Variants in FGD5 observed in about 807,000 individuals in gnomAD.
The protein encoded by FGD5 is FYVE, RhoGEF and PH domain containing 5, also known as FYVE, RhoGEF and PH domain-containing protein 5.
A neutral mutation model predicts 133.4 loss-of-function variants in FGD5; 28 were observed. The observed-to-expected ratio is 0.21, with a 90% CI of 0.16 to 0.29. The LOEUF (loss-of-function observed/expected upper bound fraction) is 0.29. Ranked by LOEUF, FGD5 falls within the 10% of genes least tolerant of loss-of-function variation. The pLI is 1.00. For synonymous variants in FGD5, 810 were observed against 776.5 expected (o/e 1.04, Z -0.72); for missense variants, 1,858 against 1,895.2 (o/e 0.98, Z 0.36).
At chr3:14,839,945 C>T (rs943122912) in intron 1 of FGD5, among the ~76,000 whole-genome samples, 2 of 151,304 alleles carry the variant, frequency 1.3e-5, no homozygotes, top group Non-Finnish European at 3.0e-5. Flanking sequence ...AACAAACAAA[C>T]AAACAAACAA....
intron 1 of FGD5, among the ~76,000 whole-genome samples, chr3:14,837,390 C>T (rs888219001): frequency 1.3e-5 from 2 of 152,182 alleles, no homozygotes; most frequent in Non-Finnish European, 2.9e-5. Context: ...CCAGTTGCTT[C>T]TAATCCACCA....
At chr3:14,830,984 C>G (rs1439766705) in intron 1 of FGD5, among the ~76,000 whole-genome samples, 4 of 152,114 alleles carry the variant, frequency 2.6e-5, no homozygotes, top group Non-Finnish European at 2.9e-5. Flanking sequence ...CAATGTGATA[C>G]AAAGTGACTG....
chr3:14,900,192 T>G (rs1317817786), intron 7 of FGD5, among the ~76,000 whole-genome samples: 1 of 152,088 alleles, frequency 6.6e-6, no homozygotes, highest in East Asian at 1.9e-4. Context: ...ATCTGTTGGA[T>G]AAGTGAGGGA....
chr3:14,856,220 C>G (rs1360117813), intron 1 of FGD5, among the ~76,000 whole-genome samples: 1 of 152,008 alleles, frequency 6.6e-6, no homozygotes, highest in Non-Finnish European at 1.5e-5. Flanking sequence ...CTATTTTGTT[C>G]CCTTGTTCTG....
intron 4 of FGD5, chr3:14,897,196 C>G: frequency 3.2e-6 from 1 of 316,850 alleles, no homozygotes; most frequent in Middle Eastern, 8.9e-4. Context: ...CCAATCTCTC[C>G]CCTATCTTGA....
At position 14,900,395 on chromosome 3, in the gene FGD5, G is replaced by A; in HGVS notation, c.3155-8G>A. 6.2e-7 allele frequency: 1 copy of A among 1,613,002 alleles called. No individual in the cohort carries two copies. The highest frequency in any genetic ancestry group is 1.7e-5 in the Admixed American group (1 of 59,888). On this transcript the variant is annotated splice_polypyrimidine_tract_variant and splice_region_variant and intron_variant, in intron 7 of 19. Coordinates refer to ENST00000285046, the MANE Select transcript of FGD5 (RefSeq NM_152536.4). ...GTAGCTGACTCCTGGTTCTTATCCT[G>A]CCAACAGACTATTTAAACAACCTTT...
Position 14,819,065 on chromosome 3 carries a change from A to G in FGD5, c.-7A>G. On this transcript the variant is annotated 5_prime_UTR_variant, in exon 1 of 20. Transcript: ENST00000285046. The surrounding 1 kb of genome is among the most constrained non-coding windows in gnomAD (Gnocchi z 4.1). ...CCAGGCCCGAGAGTCTTCACAGTCC[A>G]AACTCCATGTTCAGGGGTCCGAAGC... 1.9e-6 allele frequency: 3 copies of G among 1,545,458 alleles called. No individual in the cohort carries two copies. Among genetic ancestry groups the G allele is most frequent in the South Asian group, 1.2e-5 (1 of 83,324 alleles).
At chr3:14,906,508 T>C (rs544579330) in intron 9 of FGD5, among the ~76,000 whole-genome samples, 41 of 152,302 alleles carry the variant, frequency 2.7e-4, no homozygotes, top group Admixed American at 2.4e-3. Flanking sequence ...AAGCCTTGCA[T>C]GAGAGAAGGC....
rs376160039 is a variant in FGD5 at position 14,881,612 on chromosome 3, C to T, written c.2748+840C>T. 1.2e-3 allele frequency among the ~76,000 whole-genome samples: 184 copies of T among 152,360 alleles called. 2 individuals are homozygous for T. In the South Asian group the frequency reaches 0.02, roughly 16 times the overall value. ...CCATGGCAGTCTCAGGCTTCCTGCTCCCTTGAGCTCTCTCTGGGCCATTTG... is the reference window on the plus strand; with the variant it reads ...CCATGGCAGTCTCAGGCTTCCTGCTTCCTTGAGCTCTCTCTGGGCCATTTG... On this transcript the variant is annotated intron_variant, in intron 4 of 19. Transcript: ENST00000285046.
At chr3:14,920,614 A>G (rs2038657670) in intron 13 of FGD5, 1 of 152,232 alleles carries the variant, frequency 6.6e-6, no homozygotes, top group South Asian at 2.1e-4. Flanking sequence ...ACTGCTTCAG[A>G]TGCAGGGCAG....
chr3:14,821,242 T>C lies in FGD5; in HGVS notation c.2171T>C (p.Phe724Ser), dbSNP rs750631814. Reference sequence around the variant, plus strand: ...TCTGAATCCCCCTCCTCCCTCATCTTTTATAGAGATGGCAAGAGGAAAGGT... The same window carrying C: ...TCTGAATCCCCCTCCTCCCTCATCTCTTATAGAGATGGCAAGAGGAAAGGT... ...RASESPSSLI[F>S]YRDGKRKGVP... Residue 724 changes from phenylalanine (F) to serine (S), a missense_variant, in exon 1 of 20, where the codon TTT becomes TCT. Physicochemically the swap from Phe to Ser is radical, Grantham distance 155. Coordinates refer to ENST00000285046, the MANE Select transcript of FGD5 (RefSeq NM_152536.4). 1 of 1,613,678 alleles carries C rather than the reference T, an allele frequency of 6.2e-7. No homozygotes were observed. Among genetic ancestry groups the C allele is most frequent in the South Asian group, 1.1e-5 (1 of 91,072 alleles).
At chr3:14,866,669 A>G (rs77651456) in intron 2 of FGD5, among the ~76,000 whole-genome samples, 13,074 of 152,294 alleles carry the variant, frequency 0.086, 769 homozygotes, top group East Asian at 0.3. Context: ...AACTAGAACA[A>G]TGCATGCCAC....
chr3:14,833,522 G>GCTCCCC (rs1425361165), intron 1 of FGD5, among the ~76,000 whole-genome samples: 1 of 152,172 alleles, frequency 6.6e-6, no homozygotes, highest in Non-Finnish European at 1.5e-5. Context: ...AAGGTAGTGA[G>GCTCCCC]CTCCCCATCA....
chr3:14,911,607 G>A (rs184429550), intron 11 of FGD5, among the ~76,000 whole-genome samples: 1 of 152,000 alleles, frequency 6.6e-6, no homozygotes, highest in African/African-American at 2.4e-5. Flanking sequence ...ACAGGCTGTG[G>A]TAAGAGTCTA....
At chr3:14,839,109 A>G (rs959398472) in intron 1 of FGD5, among the ~76,000 whole-genome samples, 1 of 152,212 alleles carries the variant, frequency 6.6e-6, no homozygotes, top group African/African-American at 2.4e-5. Flanking sequence ...AGAAAGGAAA[A>G]GCACATGCTT....
intron 4 of FGD5, among the ~76,000 whole-genome samples, chr3:14,885,953 T>C (rs1191924602): frequency 2.6e-5 from 4 of 152,216 alleles, no homozygotes; most frequent in South Asian, 4.1e-4. Flanking sequence ...TCCTAAACAT[T>C]CTGTGTTGGT....
At chr3:14,855,616 G>GACATTTTAAA (rs2037262259) in intron 1 of FGD5, among the ~76,000 whole-genome samples, 1 of 151,638 alleles carries the variant, frequency 6.6e-6, no homozygotes, top group South Asian at 2.1e-4. Flanking sequence ...TAGTGATGTG[G>GACATTTTAAA]ACATTTTAAA....
At position 14,819,815 on chromosome 3, in the gene FGD5, C is replaced by T. The variant is rs1236094550; in HGVS notation, c.744C>T (p.Asp248=). Residue 248 remains aspartate (D), a synonymous_variant, in exon 1 of 20, where the codon GAC becomes GAT. Transcript: ENST00000285046. This position sits in a 1 kb window ranked among gnomAD's most constrained non-coding sequence, Gnocchi z 4.1. ...AGGACATGGGACAGGATGCTGAGGA[C>T]ACCAGTGAGGAGCCCCCTGAGAAGG... ...PTEDMGQDAE[D]TSEEPPEKEE... is the part of the protein sequence containing the mutation. The T allele has an allele frequency of 6.3e-7, 1 of 1,594,496 alleles. No homozygotes were observed. Among genetic ancestry groups the T allele is most frequent in the Admixed American group, 1.8e-5 (1 of 56,404 alleles).
chr3:14,823,168 G>A (rs1344645343), intron 1 of FGD5, among the ~76,000 whole-genome samples: 1 of 152,178 alleles, frequency 6.6e-6, no homozygotes, highest in African/African-American at 2.4e-5. Context: ...ACAATCGGCA[G>A]GGGTGGACAA....
Sources: gnomAD v4.1 joint callset for allele counts (sites outside exome capture counted in the v4.1 genomes callset) on GRCh38, gnomAD v4.1.1 for gene constraint, Gnocchi (gnomAD v3.1) non-coding constraint, MANE v1.5 for transcripts, NCBI Gene and HGNC (gene_info 2026-07-23, HGNC 2026-07-21) for gene names.